CAP1: variants seen among roughly 807,000 people sequenced by gnomAD.
CAP1 encodes cyclase associated actin cytoskeleton regulatory protein 1.
A neutral mutation model predicts 58.2 loss-of-function variants in CAP1; 11 were observed. The observed-to-expected ratio is 0.19, with a 90% confidence interval of 0.12 to 0.31. CAP1 has a LOEUF of 0.31. Among genes scored for constraint, CAP1 ranks in the 10% least tolerant of loss-of-function variants. The pLI is 1.00. For missense variants in CAP1, 423 were observed against 587.5 expected, an observed-to-expected ratio of 0.72 and a Z score of 2.89; for synonymous variants, 183 against 213.8, an observed-to-expected ratio of 0.86 and a Z score of 1.26.
chr1:40,051,565 G>GT (rs1557678129), intron 1 of CAP1, among the ~76,000 whole-genome samples: 2 of 151,994 alleles, frequency 1.3e-5, no homozygotes, highest in East Asian at 3.9e-4. Context: ...GTTTGTTTGG[G>GT]GTTTTTTTGT....
intron 1 of CAP1, among the ~76,000 whole-genome samples, chr1:40,043,791 C>A (rs993022396): frequency 2.2e-4 from 34 of 151,990 alleles, no homozygotes; most frequent in African/African-American, 8.2e-4. Flanking sequence ...GCAGGAGACT[C>A]GCTTGAACCC....
Position 40,072,094 on chromosome 1 carries a change from C to G in CAP1, c.*561C>G, listed in dbSNP as rs1164156281. 2.5e-6 allele frequency: 1 copy of G among 401,924 alleles called. No individual in the cohort carries two copies. The highest frequency in any genetic ancestry group is 4.3e-5 in the Admixed American group (1 of 23,496). 24.9% of individuals were successfully genotyped at this position (401,924 alleles called of 1,614,324 possible). A position where few individuals can be genotyped will look rare whatever the true frequency, so the allele number is the denominator to read the frequency against. On this transcript the variant is annotated 3_prime_UTR_variant, in exon 13 of 13. Coordinates refer to ENST00000372805, the MANE Select transcript of CAP1 (RefSeq NM_006367.4). ...TTCCTATAAGCATTCCTTTTATTCT[C>G]TATTCTATCCTGGGTCTGCCTCAAC...
At chr1:40,057,501 T>C (rs1646668476) in intron 1 of CAP1, 1 of 152,122 alleles carries the variant, frequency 6.6e-6, no homozygotes, top group African/African-American at 2.4e-5. Context: ...GAAAGGTTTG[T>C]TTGGTTCTCA....
At position 40,064,234 on chromosome 1, in the gene CAP1, T is replaced by C; in HGVS notation, c.302T>C (p.Leu101Pro). Residue 101 changes from leucine (L) to proline (P), a missense_variant, in exon 5 of 13, where the codon CTT becomes CCT. Physicochemically the swap from Leu to Pro is moderately conservative, Grantham distance 98 (BLOSUM62 -3). Transcript: ENST00000372805. Reference sequence around the variant, plus strand: ...TCTTGTATCTTTTCCTAGAATAAGCTTTCCGATTTGTTGGCACCCATCTCA... The same window carrying C: ...TCTTGTATCTTTTCCTAGAATAAGCCTTCCGATTTGTTGGCACCCATCTCA... ...SQCQQPAENK[L>P]SDLLAPISEQ... 6.2e-7 allele frequency: 1 copy of C among 1,614,170 alleles called. No individual in the cohort carries two copies. Among genetic ancestry groups the C allele is most frequent in the Non-Finnish European group, 8.5e-7 (1 of 1,179,998 alleles).
chr1:40,044,620 A>G (rs4284253), intron 1 of CAP1, among the ~76,000 whole-genome samples: 17,461 of 151,948 alleles, frequency 0.11, 1,169 homozygotes, highest in South Asian at 0.2. Context: ...AATTCTCTAC[A>G]GTTTAGACCC....
intron 1 of CAP1, among the ~76,000 whole-genome samples, chr1:40,047,167 T>C (rs987917634): frequency 4.4e-5 from 6 of 136,030 alleles, no homozygotes; most frequent in African/African-American, 1.8e-4. Context: ...ATGGGACCAC[T>C]GTTGATTTTG....
chr1:40,048,471 G>A (rs1464945103), intron 1 of CAP1, among the ~76,000 whole-genome samples: 2 of 152,180 alleles, frequency 1.3e-5, no homozygotes, highest in African/African-American at 2.4e-5. Flanking sequence ...GTTTTACTTT[G>A]TGACATGTTA....
chr1:40,042,968 T>A (rs1211905051), intron 1 of CAP1, among the ~76,000 whole-genome samples: 1 of 151,924 alleles, frequency 6.6e-6, no homozygotes, highest in African/African-American at 2.4e-5. Flanking sequence ...AGAGGTAAAT[T>A]AGGGAAGTGA....
chr1:40,052,134 T>C (rs1004430123), intron 1 of CAP1, among the ~76,000 whole-genome samples: 1 of 152,206 alleles, frequency 6.6e-6, no homozygotes, highest in Non-Finnish European at 1.5e-5. Context: ...TAAATTCCCA[T>C]CCTTCTTGAG....
At chr1:40,064,195 T>C (rs763796378) in intron 4 of CAP1, 32 bp from the exon 5 acceptor site, 2 of 1,611,706 alleles carry the variant, frequency 1.2e-6, no homozygotes, top group Admixed American at 3.3e-5. Context: ...GGAAAGATGT[T>C]AACCTGAATC....
chr1:40,051,101 C>T lies in CAP1; in HGVS notation c.-10-8236C>T, dbSNP rs117877223. Among the ~76,000 whole-genome samples, 8 of 152,240 alleles carry T rather than the reference C, an allele frequency of 5.3e-5. No individual in the cohort carries two copies. The East Asian group carries it at 5.8e-4, about 11-fold the overall frequency. Reference sequence around the variant, plus strand: ...CACTTCCCTCCTGAAACCAAGCTACCGCCAGTCCTCATTGATTTCCTCTGA... The same window carrying T: ...CACTTCCCTCCTGAAACCAAGCTACTGCCAGTCCTCATTGATTTCCTCTGA... On this transcript the variant is annotated intron_variant, in intron 1 of 12. Transcript: ENST00000372805.
At chr1:40,068,266 GTTTTTTAT>G (rs1332339225) in intron 8 of CAP1, among the ~76,000 whole-genome samples, 1 of 152,076 alleles carries the variant, frequency 6.6e-6, no homozygotes, top group African/African-American at 2.4e-5. Context: ...TTGATGAAAT[GTTTTTTAT>G]TTTTTTATTT....
At chr1:40,059,146 T>C (rs1338558543) in intron 1 of CAP1, among the ~76,000 whole-genome samples, 191 bp from the exon 2 acceptor site, 2 of 152,318 alleles carry the variant, frequency 1.3e-5, no homozygotes, top group East Asian at 3.9e-4. Flanking sequence ...TTTGTAAATA[T>C]GCTACTTTTT....
chr1:40,042,456 A>G (rs1429554174), intron 1 of CAP1, among the ~76,000 whole-genome samples: 1 of 152,214 alleles, frequency 6.6e-6, no homozygotes, highest in African/African-American at 2.4e-5. Flanking sequence ...ATTTCCAGGC[A>G]GAGACTACTA....
chr1:40,045,163 A>G (rs1340215947), intron 1 of CAP1, among the ~76,000 whole-genome samples: 1 of 152,128 alleles, frequency 6.6e-6, no homozygotes, highest in Non-Finnish European at 1.5e-5. Context: ...AGATGCCAAT[A>G]AGACTTCCTC....
In CAP1 at chr1:40,071,676, G is replaced by A. The variant is rs1344228980; in HGVS notation, c.*143G>A. On this transcript the variant is annotated 3_prime_UTR_variant, in exon 13 of 13. Coordinates refer to ENST00000372805, the MANE Select transcript of CAP1 (RefSeq NM_006367.4). ...AGAAGCACAGCTACCTGCCTTCACTGAAATATACCTCAGGCTGAAATTTGG... is the reference window on the plus strand; with the variant it reads ...AGAAGCACAGCTACCTGCCTTCACTAAAATATACCTCAGGCTGAAATTTGG... 13 of 600,998 alleles carry A rather than the reference G, an allele frequency of 2.2e-5. No homozygotes were observed. The highest frequency in any genetic ancestry group is 3.6e-5 in the Non-Finnish European group (12 of 335,798). 37.2% of individuals were successfully genotyped at this position (600,998 alleles called of 1,614,324 possible). A position where few individuals can be genotyped will look rare whatever the true frequency, so the allele number is the denominator to read the frequency against.
chr1:40,050,136 T>G (rs2124222987), intron 1 of CAP1, among the ~76,000 whole-genome samples: 1 of 152,244 alleles, frequency 6.6e-6, no homozygotes, highest in African/African-American at 2.4e-5. Flanking sequence ...GAAAGGACTG[T>G]TCTGGCATAA....
Position 40,072,446 on chromosome 1 carries a change from A to C in CAP1, c.*913A>C. 1 of 190,058 alleles carries C rather than the reference A, an allele frequency of 5.3e-6. No homozygotes were observed. Among genetic ancestry groups the C allele is most frequent in the Non-Finnish European group, 1.1e-5 (1 of 93,930 alleles). The allele number at this position is 190,058 out of a possible 1,614,324, so 11.8% of individuals were successfully genotyped here. A position where few individuals can be genotyped will look rare whatever the true frequency, so the allele number is the denominator to read the frequency against. On this transcript the variant is annotated 3_prime_UTR_variant, in exon 13 of 13. Transcript: ENST00000372805. ...GCAGGCTGGTTTTAGGTCTTGAATT[A>C]TGTAAGAATCTTGCACAGCACTGCT...
chr1:40,049,859 C>A (rs1243722086), intron 1 of CAP1, among the ~76,000 whole-genome samples: 1 of 152,154 alleles, frequency 6.6e-6, no homozygotes, highest in Non-Finnish European at 1.5e-5. Context: ...GTCATCTTTG[C>A]CTCCCTTCTC....
Sources: allele counts gnomAD v4.1 joint callset (sites outside exome capture counted in the v4.1 genomes callset), GRCh38; gene constraint gnomAD v4.1.1; transcripts MANE v1.5; gene names NCBI Gene and HGNC (gene_info 2026-07-23, HGNC 2026-07-21).